The following ADGRG2 variants were observed in gnomAD, a reference collection of about 807,000 sequenced individuals.
The protein encoded by ADGRG2 is G protein-coupled receptor 64.
A neutral mutation model predicts 74.1 loss-of-function variants in ADGRG2; 26 were observed. The observed-to-expected ratio is 0.35, with a 90% CI of 0.26 to 0.49. The LOEUF (loss-of-function observed/expected upper bound fraction) is 0.49. ADGRG2 is among the 20% of genes least tolerant of loss of function. The pLI, the probability that ADGRG2 is intolerant of heterozygous loss-of-function variation, is 0.99. For missense variants in ADGRG2, 619 were observed against 763.1 expected (o/e 0.81, Z 2.22); for synonymous variants, 296 against 295.2 (o/e 1.00, Z -0.03).
At chrX:19,061,247 C>G (rs943792318) in intron 3 of ADGRG2, among the ~76,000 whole-genome samples, 2 of 110,977 alleles carry the variant, frequency 1.8e-5, no homozygotes, top group Admixed American at 9.5e-5. Context: ...TGAGGGGGGG[C>G]CCACTTTTTG....
intron 1 of ADGRG2, among the ~76,000 whole-genome samples, chrX:19,099,892 G>A (rs1042244328): frequency 4.5e-5 from 5 of 111,051 alleles, no homozygotes; most frequent in African/African-American, 1.6e-4. Context: ...AAAATTAGCT[G>A]GGCATGGTTG....
In ADGRG2 at chrX:19,007,329, A is replaced by T. The variant is rs764469684; in HGVS notation, c.1595T>A (p.Ile532Asn). The change falls in exon 20 of 29, where the codon ATC becomes AAC. Residue 532 changes from isoleucine to asparagine, a missense_variant. Ile to Asn is a moderately radical substitution (Grantham distance 149). This residue lies in a region of ADGRG2 where 221 missense variants were observed against 340.6 expected (regional missense o/e 0.65). Coordinates refer to ENST00000379869, the MANE Select transcript of ADGRG2 (RefSeq NM_001079858.3). The part of the protein sequence containing the change: ...QDPSLENLSL[I>N]SYVISSSVAN... The stretch of plus-strand genomic sequence containing the variant: ...AACACTCGATGATATGACGTAGCTG[A>T]TCAGAGAGAGGTTCTCCAGGGAAGG... The T allele has an allele frequency of 1.7e-6, 2 of 1,206,193 alleles. No individual in the cohort carries two copies. Among genetic ancestry groups the T allele is most frequent in the African/African-American group, 3.5e-5 (2 of 57,225 alleles).
chrX:19,115,255 T>C lies in ADGRG2; in HGVS notation c.-47+7187A>G, dbSNP rs188093545. On this transcript the variant is annotated intron_variant, in intron 1 of 28. Coordinates refer to ENST00000379869, the MANE Select transcript of ADGRG2 (RefSeq NM_001079858.3). ...TTCATTCGGTCATTTGACACGTGGA[T>C]AAAGCACCTACTACGTCCCACTGTT... Among the ~76,000 whole-genome samples the C allele has an allele frequency of 2.2e-4, 25 of 111,437 alleles. No homozygotes were observed. The East Asian group carries it at 6.8e-3, about 30-fold the overall frequency.
intron 16 of ADGRG2, among the ~76,000 whole-genome samples, chrX:19,012,665 A>G (rs1449273091): frequency 9.1e-6 from 1 of 109,312 alleles, no homozygotes; most frequent in Non-Finnish European, 1.9e-5. Flanking sequence ...AATTTAAAAA[A>G]CTTTACTGAA....
At chrX:19,093,914 C>T (rs1295374032) in intron 1 of ADGRG2, among the ~76,000 whole-genome samples, 1 of 60,678 alleles carries the variant, frequency 1.6e-5, no homozygotes, top group African/African-American at 9.2e-5. Flanking sequence ...CACACACACA[C>T]ACACACACAC....
intron 28 of ADGRG2, among the ~76,000 whole-genome samples, chrX:18,992,616 A>G (rs1473714792): frequency 1.8e-5 from 2 of 112,169 alleles, no homozygotes; most frequent in Non-Finnish European, 3.8e-5. Flanking sequence ...GAAATTGCCA[A>G]TTCCATTCCT....
intron 3 of ADGRG2, among the ~76,000 whole-genome samples, chrX:19,054,764 A>C (rs1306306793): frequency 8.9e-6 from 1 of 112,167 alleles, no homozygotes; most frequent in Non-Finnish European, 1.9e-5. Flanking sequence ...CATGTTTCTA[A>C]TTAACGTGGG....
At chrX:19,082,384 T>C (rs1053404280) in intron 2 of ADGRG2, among the ~76,000 whole-genome samples, 2 of 111,614 alleles carry the variant, frequency 1.8e-5, no homozygotes, top group African/African-American at 6.5e-5. Flanking sequence ...TAAATGATCA[T>C]TCTCTTTCCC....
intron 3 of ADGRG2, among the ~76,000 whole-genome samples, chrX:19,042,934 T>C (rs1412917239): frequency 2.7e-5 from 3 of 109,388 alleles, no homozygotes; most frequent in African/African-American, 1.0e-4. Context: ...GAGGTTGCAG[T>C]GAGCTGAGAT....
intron 3 of ADGRG2, among the ~76,000 whole-genome samples, chrX:19,049,159 G>A (rs2061256966): frequency 8.9e-6 from 1 of 112,155 alleles, no homozygotes; most frequent in African/African-American, 3.2e-5. Flanking sequence ...AAGGCCCCTT[G>A]GTTTGCTACA....
intron 28 of ADGRG2, among the ~76,000 whole-genome samples, chrX:18,992,038 T>C (rs951547410): frequency 9.0e-6 from 1 of 111,545 alleles, no homozygotes; most frequent in East Asian, 2.8e-4. Flanking sequence ...GCTTCCAAAC[T>C]GTGATCCTTG....
At chrX:19,039,083 G>A (rs1271036034) in intron 4 of ADGRG2, among the ~76,000 whole-genome samples, 1 of 111,309 alleles carries the variant, frequency 9.0e-6, no homozygotes, top group Non-Finnish European at 1.9e-5. Flanking sequence ...ACAACTACCC[G>A]ACAACAGCTA....
chrX:19,099,048 G>A (rs1410915450), intron 1 of ADGRG2, among the ~76,000 whole-genome samples: 1 of 111,849 alleles, frequency 8.9e-6, no homozygotes, highest in Non-Finnish European at 1.9e-5. Context: ...GCCAGGCGTG[G>A]TAGCAGGCGC....
chrX:19,054,888 G>A (rs5909107), intron 3 of ADGRG2, among the ~76,000 whole-genome samples: 1 of 110,223 alleles, frequency 9.1e-6, no homozygotes, highest in Non-Finnish European at 1.9e-5. Context: ...AGGGAGGTGC[G>A]GGGCCTGTAA....
intron 1 of ADGRG2, among the ~76,000 whole-genome samples, chrX:19,104,123 G>C (rs774472692): frequency 5.1e-4 from 56 of 110,833 alleles, no homozygotes; most frequent in African/African-American, 1.8e-3. Context: ...GATGTAGGTA[G>C]GCCCTTGAAA....
chrX:19,074,414 A>G (rs1179234878), intron 2 of ADGRG2, among the ~76,000 whole-genome samples: 1 of 61,109 alleles, frequency 1.6e-5, no homozygotes, highest in Non-Finnish European at 3.0e-5. Flanking sequence ...TAATTTTTTT[A>G]TTTTTTGTAG....
intron 3 of ADGRG2, among the ~76,000 whole-genome samples, chrX:19,061,022 G>A (rs903694657): frequency 8.9e-6 from 1 of 111,850 alleles, no homozygotes; most frequent in Non-Finnish European, 1.9e-5. Flanking sequence ...GGTCCCTACT[G>A]GCTGATTGAA....
chrX:19,049,438 G>GTTTTTTTTTTTTTTTTTTTTTTTT (rs752686975), intron 3 of ADGRG2, among the ~76,000 whole-genome samples: 6 of 82,161 alleles, frequency 7.3e-5, no homozygotes, highest in African/African-American at 2.9e-4. Context: ...CGTTTTTTGT[G>GTTTTTTTTTTTTTTTTTTTTTTTT]TTTTTTTTTT....
intron 2 of ADGRG2, among the ~76,000 whole-genome samples, chrX:19,075,487 G>A (rs756099407): frequency 4.2e-4 from 45 of 108,083 alleles, no homozygotes; most frequent in Admixed American, 6.9e-4. Flanking sequence ...GTGTGGTGGC[G>A]CCCACCTGTA....
Sources: allele counts gnomAD v4.1 joint callset (sites outside exome capture counted in the v4.1 genomes callset), GRCh38; gene constraint gnomAD v4.1.1; regional missense constraint gnomAD v4.1.1; transcripts MANE v1.5; gene names NCBI Gene and HGNC (gene_info 2026-07-23, HGNC 2026-07-21).